Variants in KCNN2 observed in about 807,000 individuals in gnomAD.
KCNN2 encodes small conductance calcium-activated potassium channel protein 2.
Under a neutral mutation model 55.5 loss-of-function variants are expected in KCNN2, and 24 were observed. The ratio of observed to expected loss-of-function variants is 0.43; its 90% confidence interval spans 0.31 to 0.61. The LOEUF is 0.61. KCNN2 is among the 20% of genes least tolerant of loss of function. The pLI is 0.08. For missense variants in KCNN2, 754 were observed against 853.6 expected (o/e 0.88, Z 1.45); for synonymous variants, 431 against 336.1 (o/e 1.28, Z -3.09).
chr5:114,336,328 G>A (rs180801495), intron 2 of KCNN2, among the ~76,000 whole-genome samples: 3 of 152,324 alleles, frequency 2.0e-5, no homozygotes, highest in Admixed American at 2.0e-4. Flanking sequence ...GCAGAAAAGT[G>A]AAATGATATC....
chr5:114,351,723 G>T (rs898961140), intron 2 of KCNN2, among the ~76,000 whole-genome samples: 1 of 151,488 alleles, frequency 6.6e-6, no homozygotes, highest in Non-Finnish European at 1.5e-5. Context: ...TGATTATATG[G>T]TTATTTTGCT....
At chr5:114,353,673 G>A (rs1235854557) in intron 2 of KCNN2, among the ~76,000 whole-genome samples, 1 of 151,798 alleles carries the variant, frequency 6.6e-6, no homozygotes, top group East Asian at 1.9e-4. Flanking sequence ...ATTTCTCTGG[G>A]AAACTATTTG....
intron 7 of KCNN2, 136 bp downstream of exon 7, chr5:114,493,608 G>T (rs1747968693): frequency 6.1e-6 from 4 of 655,534 alleles, no homozygotes; most frequent in South Asian, 1.8e-5. Flanking sequence ...ACCCTAAAAT[G>T]ATGGTCCAAC....
Position 114,458,337 on chromosome 5 carries a change from A to G in KCNN2, c.1638-4712A>G, listed in dbSNP as rs528276610. On this transcript the variant is annotated intron_variant, in intron 3 of 7. Coordinates refer to ENST00000673685, the MANE Select transcript of KCNN2 (RefSeq NM_021614.4). ...GTTAGCTGTTAACCTCCACGACTGA[A>G]TTATTTTTACAGATATAAAAATACC... Among the ~76,000 whole-genome samples, 3 of 152,346 alleles carry G rather than the reference A, an allele frequency of 2.0e-5. No homozygotes were observed. The South Asian group carries it at 6.2e-4, about 32-fold the overall frequency.
intron 2 of KCNN2, among the ~76,000 whole-genome samples, chr5:114,279,573 A>G (rs1755576265): frequency 6.6e-6 from 1 of 152,096 alleles, no homozygotes; most frequent in Non-Finnish European, 1.5e-5. Context: ...TCCTTGCGAT[A>G]GTTTGCTCAG....
intron 1 of KCNN2, among the ~76,000 whole-genome samples, chr5:114,155,460 C>T (rs1752611174): frequency 6.6e-6 from 1 of 152,146 alleles, no homozygotes; most frequent in Non-Finnish European, 1.5e-5. Context: ...GAGGAATTGC[C>T]ACACTGTCTT....
chr5:114,264,186 C>T (rs1284959882), intron 2 of KCNN2, among the ~76,000 whole-genome samples: 2 of 152,152 alleles, frequency 1.3e-5, no homozygotes, highest in Non-Finnish European at 2.9e-5. Flanking sequence ...GTTTTTCCAT[C>T]CTTTCCATCA....
At chr5:114,351,597 T>G (rs1757204440) in intron 2 of KCNN2, among the ~76,000 whole-genome samples, 1 of 151,738 alleles carries the variant, frequency 6.6e-6, no homozygotes, top group Non-Finnish European at 1.5e-5. Context: ...ATGGATGTCG[T>G]CTATCAAGCT....
rs546144272 is a variant in KCNN2 at position 114,163,460 on chromosome 5, C to T, written c.-270-58020C>T. Among the ~76,000 whole-genome samples the T allele has an allele frequency of 7.2e-5, 11 of 152,156 alleles. No individual in the cohort carries two copies. The South Asian group carries it at 2.3e-3, about 32-fold the overall frequency. ...GGCTGTTATTAATTTGAGGTATATT[C>T]CTTTAATACCTAGTTTATTGAGAAT... On this transcript the variant is annotated intron_variant, in intron 1 of 10. Coordinates refer to the KCNN2 transcript ENST00000512097.
At chr5:114,283,942 A>G (rs987237693) in intron 2 of KCNN2, among the ~76,000 whole-genome samples, 1 of 152,170 alleles carries the variant, frequency 6.6e-6, no homozygotes, top group Non-Finnish European at 1.5e-5. Context: ...AAATTTACCC[A>G]AGAGGTCAGC....
chr5:114,431,271 G>C (rs1759784084), intron 3 of KCNN2, among the ~76,000 whole-genome samples: 1 of 152,042 alleles, frequency 6.6e-6, no homozygotes, highest in African/African-American at 2.4e-5. Context: ...TTCTTTAATA[G>C]ATATGGGCCT....
At chr5:114,275,279 A>G (rs938411799) in intron 2 of KCNN2, among the ~76,000 whole-genome samples, 2 of 152,130 alleles carry the variant, frequency 1.3e-5, no homozygotes, top group East Asian at 3.9e-4. Flanking sequence ...CATCAGGGAT[A>G]TTGGCCTAAA....
intron 1 of KCNN2, among the ~76,000 whole-genome samples, chr5:114,198,459 C>CGT (rs1554074329): frequency 2.0e-5 from 2 of 98,942 alleles, no homozygotes; most frequent in East Asian, 2.1e-4. Context: ...CATATATATA[C>CGT]ATATACACAC....
Position 114,217,100 on chromosome 5 carries a change from G to T in KCNN2, c.-270-4380G>T, listed in dbSNP as rs543636320. ...GGAAAGCTACAAAACTTTGATGAAA[G>T]AAATCAAATAACTAAATAAATGGAG... On this transcript the variant is annotated intron_variant, in intron 1 of 10. Coordinates refer to the KCNN2 transcript ENST00000512097. 2.6e-5 allele frequency among the ~76,000 whole-genome samples: 4 copies of T among 152,142 alleles called. No homozygotes were observed. In the East Asian group the frequency reaches 7.7e-4, roughly 29 times the overall value.
At chr5:114,330,189 T>TG (rs1389657727) in intron 2 of KCNN2, among the ~76,000 whole-genome samples, 10 of 152,218 alleles carry the variant, frequency 6.6e-5, no homozygotes, top group Non-Finnish European at 1.5e-4. Context: ...ATAATGCTGA[T>TG]GCTGTACTCA....
chr5:114,333,385 A>G (rs1735175261), intron 2 of KCNN2, among the ~76,000 whole-genome samples: 2 of 152,146 alleles, frequency 1.3e-5, no homozygotes, highest in South Asian at 2.1e-4. Flanking sequence ...CTTATTGTTT[A>G]TATTGAAGGT....
In KCNN2 at chr5:114,249,241, G is replaced by A. The variant is rs115770753; in HGVS notation, c.-185+27676G>A. On this transcript the variant is annotated intron_variant, in intron 2 of 10. Transcript: ENST00000512097. ...CCACATTTGTGAAGAACGTAAACAT[G>A]GTATCACGAAAGTTCTCAGTATATT... Among the ~76,000 whole-genome samples, 430 of 150,812 alleles carry A rather than the reference G, an allele frequency of 2.9e-3. 2 individuals are homozygous for A. Among genetic ancestry groups the A allele is most frequent in the African/African-American group, 0.01 (411 of 41,072 alleles).
intron 2 of KCNN2, among the ~76,000 whole-genome samples, chr5:114,393,220 T>G (rs1758508671): frequency 6.6e-6 from 1 of 152,128 alleles, no homozygotes; most frequent in Non-Finnish European, 1.5e-5. Context: ...AGTAAGTGAA[T>G]GAAAAAAAGA....
chr5:114,305,703 T>A (rs374407351), intron 2 of KCNN2, among the ~76,000 whole-genome samples: 1 of 152,138 alleles, frequency 6.6e-6, no homozygotes, highest in Non-Finnish European at 1.5e-5. Context: ...CTTCTGCTAG[T>A]TGCACAGTAG....
Sources: gnomAD v4.1 joint callset for allele counts (sites outside exome capture counted in the v4.1 genomes callset) on GRCh38, gnomAD v4.1.1 for gene constraint, MANE v1.5 for transcripts, NCBI Gene and HGNC (gene_info 2026-07-23, HGNC 2026-07-21) for gene names.